Variants in CCDC178 observed in about 807,000 individuals in gnomAD.
The protein encoded by CCDC178 is coiled-coil domain containing 178, also known as coiled-coil domain-containing protein 178.
A neutral mutation model predicts 117.4 loss-of-function variants in CCDC178; 126 were observed. That is an observed-to-expected ratio of 1.07 (90% confidence interval 0.93 to 1.24). The LOEUF is 1.24. Ranked by LOEUF, CCDC178 falls within the 50% of genes most tolerant of loss-of-function variation. The probability of loss-of-function intolerance (pLI) is 0.00; values close to 1 mark genes in which losing one functional copy is unlikely to be tolerated. For synonymous variants in CCDC178, 283 were observed against 313.4 expected, an observed-to-expected ratio of 0.90 and a Z score of 1.02; for missense variants, 1,030 against 986.9, an observed-to-expected ratio of 1.04 and a Z score of -0.59.
At chr18:33,167,217 T>C (rs2058543468) in intron 20 of CCDC178, among the ~76,000 whole-genome samples, 2 of 152,178 alleles carry the variant, frequency 1.3e-5, no homozygotes, top group South Asian at 4.1e-4. Context: ...TCTTTACTAT[T>C]GTTAATAGTG....
chr18:33,147,128 T>C (rs1005125563), intron 20 of CCDC178, among the ~76,000 whole-genome samples: 1 of 149,300 alleles, frequency 6.7e-6, no homozygotes, highest in Admixed American at 6.7e-5. Flanking sequence ...AGGCATTATC[T>C]GGTAGCTGAT....
chr18:33,130,135 A>G (rs2058053496), intron 20 of CCDC178, among the ~76,000 whole-genome samples: 1 of 151,988 alleles, frequency 6.6e-6, no homozygotes, highest in Non-Finnish European at 1.5e-5. Flanking sequence ...TGTAGACATA[A>G]GTGTAAAGTC....
In CCDC178 at chr18:33,212,053, T is replaced by C. The variant is rs773829035; in HGVS notation, c.2081A>G (p.Asn694Ser). The part of the protein sequence containing the change: ...SFDQTLEILK[N>S]KFITMRFKRE... Reference sequence around the variant, plus strand: ...TTTAAATCTCATAGTTATAAATTTGTTCCTGTGAAGAAAGAATTCCATGTG... The same window carrying C: ...TTTAAATCTCATAGTTATAAATTTGCTCCTGTGAAGAAAGAATTCCATGTG... Residue 694 changes from asparagine to serine, a missense_variant and splice_region_variant, in exon 20 of 23, where the codon AAC becomes AGC. Physicochemically the swap from Asn to Ser is conservative, Grantham distance 46. Transcript: ENST00000383096. 44 of 1,567,406 alleles carry C rather than the reference T, an allele frequency of 2.8e-5. No individual in the cohort carries two copies. Among genetic ancestry groups the C allele is most frequent in the Non-Finnish European group, 3.4e-5 (40 of 1,162,242 alleles).
intron 9 of CCDC178, among the ~76,000 whole-genome samples, chr18:33,337,652 G>T (rs1956882150): frequency 6.6e-6 from 1 of 152,068 alleles, no homozygotes; most frequent in African/African-American, 2.4e-5. Flanking sequence ...ACAACATAAA[G>T]TGAGGAAAGG....
rs1022613065 is a variant in CCDC178, at chr18:33,120,367, T to C, written c.2239-27457A>G. On this transcript the variant is annotated intron_variant, in intron 20 of 22. Transcript: ENST00000383096. ...TTTTGACAGCCAAGGGGAAATTGGC[T>C]TGCAATTATACAAGGTGGGTAATGA... Among the ~76,000 whole-genome samples, 5 of 152,108 alleles carry C rather than the reference T, an allele frequency of 3.3e-5. No individual in the cohort carries two copies. In the East Asian group the frequency reaches 9.7e-4, roughly 29 times the overall value.
chr18:33,408,040 A>G (rs2144884427), intron 3 of CCDC178, among the ~76,000 whole-genome samples: 1 of 152,086 alleles, frequency 6.6e-6, no homozygotes, highest in South Asian at 2.1e-4. Context: ...CAAATATATT[A>G]AAATACAGTA....
At chr18:33,065,604 G>A (rs460535) in intron 21 of CCDC178, among the ~76,000 whole-genome samples, 21,639 of 152,094 alleles carry the variant, frequency 0.14, 2,386 homozygotes, top group African/African-American at 0.31. Flanking sequence ...AATAGATTCA[G>A]CCTCGAAGGG....
intron 21 of CCDC178, among the ~76,000 whole-genome samples, chr18:33,016,627 G>A (rs1304610744): frequency 1.3e-5 from 2 of 151,926 alleles, no homozygotes; most frequent in Non-Finnish European, 2.9e-5. Context: ...GAGAAAAAAG[G>A]GAGGGGGATC....
At chr18:33,357,779 A>G (rs1040043959) in intron 6 of CCDC178, among the ~76,000 whole-genome samples, 3 of 151,938 alleles carry the variant, frequency 2.0e-5, no homozygotes, top group Non-Finnish European at 4.4e-5. Flanking sequence ...TCTAGTTCCC[A>G]TATCCTACCA....
At chr18:33,282,231 T>C (rs2060034410) in intron 12 of CCDC178, among the ~76,000 whole-genome samples, 2 of 152,090 alleles carry the variant, frequency 1.3e-5, no homozygotes, top group African/African-American at 2.4e-5. Flanking sequence ...TTGACCACCA[T>C]GGACACTTGA....
chr18:33,026,038 A>C (rs1000374043), intron 21 of CCDC178, among the ~76,000 whole-genome samples: 9 of 152,166 alleles, frequency 5.9e-5, no homozygotes, highest in African/African-American at 2.2e-4. Context: ...TTAGGAAAAA[A>C]AAATGGAATA....
intron 20 of CCDC178, among the ~76,000 whole-genome samples, chr18:33,119,762 A>G (rs1388058177): frequency 6.6e-6 from 1 of 152,226 alleles, no homozygotes; most frequent in African/African-American, 2.4e-5. Context: ...ACTATTCACA[A>G]TAGCGAAGTC....
At chr18:33,307,953 C>T (rs1456677961) in intron 11 of CCDC178, among the ~76,000 whole-genome samples, 1 of 152,232 alleles carries the variant, frequency 6.6e-6, no homozygotes, top group Non-Finnish European at 1.5e-5. Flanking sequence ...AAGAAGTTTG[C>T]TGCAGGGGCA....
At chr18:33,430,967 C>T (rs1455226448) in intron 2 of CCDC178, among the ~76,000 whole-genome samples, 4 of 150,170 alleles carry the variant, frequency 2.7e-5, no homozygotes, top group Non-Finnish European at 1.5e-5. Flanking sequence ...CCCAGCTACT[C>T]GGGAGGCTGA....
At chr18:33,168,145 T>C (rs1405274979) in intron 20 of CCDC178, among the ~76,000 whole-genome samples, 7 of 152,198 alleles carry the variant, frequency 4.6e-5, no homozygotes. Flanking sequence ...ATCTTTGTTA[T>C]GACATCTTTG....
intron 14 of CCDC178, among the ~76,000 whole-genome samples, chr18:33,263,200 T>C (rs1053301273): frequency 6.6e-6 from 1 of 152,212 alleles, no homozygotes; most frequent in African/African-American, 2.4e-5. Context: ...ATGTACTGCA[T>C]AGCCTCATGA....
At chr18:33,183,030 A>G (rs1470153078) in intron 20 of CCDC178, among the ~76,000 whole-genome samples, 1 of 151,992 alleles carries the variant, frequency 6.6e-6, no homozygotes, top group African/African-American at 2.4e-5. Flanking sequence ...TTTCTACATT[A>G]TCTACCAGTT....
At chr18:33,225,332 G>A (rs1248851319) in intron 16 of CCDC178, among the ~76,000 whole-genome samples, 1 of 151,864 alleles carries the variant, frequency 6.6e-6, no homozygotes, top group Non-Finnish European at 1.5e-5. Flanking sequence ...GCTAATTTTT[G>A]TATTTTTAAT....
rs144096940 is a variant in CCDC178, at chr18:33,358,908, C to T, written c.349-2562G>A. 1.0e-3 allele frequency among the ~76,000 whole-genome samples: 158 copies of T among 151,850 alleles called. 1 individual carries two copies. Among genetic ancestry groups the T allele is most frequent in the African/African-American group, 3.5e-3 (146 of 41,500 alleles). ...TACAAGTAAACCCAAAAGAAAGTGG[C>T]AAAAGATAAATTGGCATTTTGCAGA... On this transcript the variant is annotated intron_variant, in intron 6 of 22. Transcript: ENST00000383096.
Sources: gnomAD v4.1 joint callset for allele counts (sites outside exome capture counted in the v4.1 genomes callset) on GRCh38, gnomAD v4.1.1 for gene constraint, MANE v1.5 for transcripts, NCBI Gene and HGNC (gene_info 2026-07-23, HGNC 2026-07-21) for gene names.